SNTG1: variants seen among roughly 807,000 people sequenced by gnomAD.
SNTG1 encodes the protein gamma-1-syntrophin.
A neutral mutation model predicts 74.7 loss-of-function variants in SNTG1; 39 were observed. The observed-to-expected ratio is 0.52, with a 90% CI of 0.40 to 0.68. The LOEUF is 0.68. Among genes scored for constraint, SNTG1 ranks in the 30% least tolerant of loss-of-function variants. The pLI is 0.00. For missense variants in SNTG1, 685 were observed against 609.5 expected (o/e 1.12, Z -1.30); for synonymous variants, 254 against 217.1 (o/e 1.17, Z -1.49).
intron 15 of SNTG1, 63 bp downstream of exon 15, chr8:50,658,726 C>A: frequency 1.9e-6 from 2 of 1,042,332 alleles, no homozygotes; most frequent in Non-Finnish European, 2.9e-6. Flanking sequence ...CCTCTGGGCT[C>A]ATAAGCAGCT....
At chr8:50,757,177 C>T (rs573276051) in intron 18 of SNTG1, among the ~76,000 whole-genome samples, 15 of 151,780 alleles carry the variant, frequency 9.9e-5, no homozygotes, top group Admixed American at 1.3e-4. Context: ...GCATGAGTGT[C>T]GGATGAGTTT....
At chr8:50,602,296 A>ATTTTTTTTTTTTTTTTTTTTTTT (rs2094780720) in intron 13 of SNTG1, among the ~76,000 whole-genome samples, 1 of 151,076 alleles carries the variant, frequency 6.6e-6, no homozygotes, top group African/African-American at 2.5e-5. Flanking sequence ...ATGGTTTTCA[A>ATTTTTTTTTTTTTTTTTTTTTTT]TTTGAGGTTG....
At chr8:50,094,376 A>G (rs2079851911) in intron 1 of SNTG1, among the ~76,000 whole-genome samples, 1 of 152,148 alleles carries the variant, frequency 6.6e-6, no homozygotes, top group South Asian at 2.1e-4. Context: ...AAAAGAAACT[A>G]TCAAGAGAGG....
intron 9 of SNTG1, among the ~76,000 whole-genome samples, chr8:50,508,556 T>C (rs2094031804): frequency 6.6e-6 from 1 of 152,198 alleles, no homozygotes; most frequent in African/African-American, 2.4e-5. Flanking sequence ...AGTTTTCCTA[T>C]TTCTCCACAT....
At chr8:50,185,142 C>T (rs540300039) in intron 2 of SNTG1, among the ~76,000 whole-genome samples, 1 of 152,116 alleles carries the variant, frequency 6.6e-6, no homozygotes, top group Non-Finnish European at 1.5e-5. Context: ...TGTAGTAATC[C>T]CCACATGTCA....
intron 2 of SNTG1, among the ~76,000 whole-genome samples, chr8:50,203,748 A>ATG (rs780823502): frequency 2.0e-5 from 3 of 151,386 alleles, no homozygotes; most frequent in African/African-American, 4.8e-5. Context: ...AGAATTAAAT[A>ATG]TGTGTGTGTG....
chr8:50,651,286 C>T (rs2095144118), intron 13 of SNTG1, among the ~76,000 whole-genome samples: 1 of 149,818 alleles, frequency 6.7e-6, no homozygotes, highest in Non-Finnish European at 1.5e-5. Flanking sequence ...TCTCTTTCTT[C>T]CTAAACTTTT....
chr8:50,294,594 C>T (rs2089277420), intron 2 of SNTG1, among the ~76,000 whole-genome samples: 1 of 152,154 alleles, frequency 6.6e-6, no homozygotes, highest in Non-Finnish European at 1.5e-5. Flanking sequence ...AGGAGTCAGT[C>T]TTTAGTTCTT....
At chr8:50,565,883 G>A (rs2094514020) in intron 12 of SNTG1, among the ~76,000 whole-genome samples, 1 of 151,688 alleles carries the variant, frequency 6.6e-6, no homozygotes, top group South Asian at 2.1e-4. Context: ...GAGAATTGGT[G>A]GGAAAATATA....
chr8:50,605,149 C>T (rs1396938234), intron 13 of SNTG1, among the ~76,000 whole-genome samples: 3 of 152,190 alleles, frequency 2.0e-5, no homozygotes, highest in Non-Finnish European at 4.4e-5. Context: ...CTTCCTGCTC[C>T]TGTCTTGAAG....
At chr8:50,658,828 A>G (rs2095200279) in intron 15 of SNTG1, among the ~76,000 whole-genome samples, 165 bp downstream of exon 15, 1 of 152,196 alleles carries the variant, frequency 6.6e-6, no homozygotes, top group South Asian at 2.1e-4. Context: ...AAGAGAAAAT[A>G]TAGAATGCAC....
chr8:50,245,700 A>G lies in SNTG1; in HGVS notation c.-28+73065A>G, dbSNP rs117150597. Reference sequence around the variant, plus strand: ...TCCATCTCAAACAAACAAACAGACAAAAGAAAACAAAACAAAAAAAGGATG... The same window carrying G: ...TCCATCTCAAACAAACAAACAGACAGAAGAAAACAAAACAAAAAAAGGATG... On this transcript the variant is annotated intron_variant, in intron 2 of 18. Coordinates refer to ENST00000642720, the MANE Select transcript of SNTG1 (RefSeq NM_018967.5). Among the ~76,000 whole-genome samples, 276 of 152,210 alleles carry G rather than the reference A, an allele frequency of 1.8e-3. 3 individuals carry two copies. In the East Asian group the frequency reaches 0.049, roughly 27 times the overall value.
intron 12 of SNTG1, chr8:50,569,143 T>C (rs1329064423): frequency 6.6e-6 from 1 of 152,222 alleles, no homozygotes; most frequent in East Asian, 1.9e-4. Flanking sequence ...TCCTATCCTC[T>C]GTAGTGCCAT....
intron 1 of SNTG1, among the ~76,000 whole-genome samples, chr8:50,004,742 T>A (rs1815055321): frequency 6.6e-6 from 1 of 152,186 alleles, no homozygotes; most frequent in African/African-American, 2.4e-5. Flanking sequence ...TTCCTTTGTC[T>A]CCTGAAATAA....
intron 17 of SNTG1, among the ~76,000 whole-genome samples, chr8:50,741,912 A>T (rs1177796068): frequency 6.6e-6 from 1 of 151,966 alleles, no homozygotes; most frequent in Non-Finnish European, 1.5e-5. Context: ...GGGCAATGAA[A>T]CTACTCTGCA....
intron 8 of SNTG1, among the ~76,000 whole-genome samples, chr8:50,468,405 C>T (rs954313232): frequency 3.9e-5 from 6 of 151,998 alleles, no homozygotes; most frequent in Non-Finnish European, 8.8e-5. Context: ...CCCCCCTTAG[C>T]TTTAGTAATT....
chr8:49,947,075 A>C (rs1202919219), intron 1 of SNTG1, among the ~76,000 whole-genome samples: 2 of 152,120 alleles, frequency 1.3e-5, no homozygotes, highest in Non-Finnish European at 2.9e-5. Flanking sequence ...TGAGGTGGGC[A>C]GATCACTTGA....
Position 50,440,521 on chromosome 8 carries a change from A to T in SNTG1, c.219+1922A>T, listed in dbSNP as rs1010485758. 3.3e-5 allele frequency among the ~76,000 whole-genome samples: 5 copies of T among 152,182 alleles called. No individual in the cohort carries two copies. The East Asian group carries it at 5.8e-4, about 18-fold the overall frequency. ...CTATTTTCCTTAGATCTGAGAATTT[A>T]AAAAAATGTATAAACTTTTTTAAAA... On this transcript the variant is annotated intron_variant, in intron 5 of 18. Coordinates refer to ENST00000642720, the MANE Select transcript of SNTG1 (RefSeq NM_018967.5).
chr8:50,304,989 A>G (rs993004173), intron 2 of SNTG1, among the ~76,000 whole-genome samples: 1 of 151,454 alleles, frequency 6.6e-6, no homozygotes, highest in Non-Finnish European at 1.5e-5. Context: ...TGCAACCTCC[A>G]CCTCCCAGGT....
Sources: gnomAD v4.1 joint callset for allele counts (sites outside exome capture counted in the v4.1 genomes callset) on GRCh38, gnomAD v4.1.1 for gene constraint, MANE v1.5 for transcripts, NCBI Gene and HGNC (gene_info 2026-07-23, HGNC 2026-07-21) for gene names.